Variants in TAS2R1 observed in about 807,000 individuals in gnomAD.
TAS2R1 encodes the protein taste receptor type 2 member 1.
For synonymous variants in TAS2R1, 141 were observed against 134.2 expected (o/e 1.05, Z -0.35); for missense variants, 370 against 353.4 (o/e 1.05, Z -0.38).
chr5:9,655,265 T>G (rs894232031), intron 2 of TAS2R1, among the ~76,000 whole-genome samples: 3 of 152,190 alleles, frequency 2.0e-5, no homozygotes, highest in African/African-American at 7.2e-5. Context: ...CCAAAACTTG[T>G]CAGTACAAAC....
the TAS2R1 span, among the ~76,000 whole-genome samples, chr5:9,729,387 T>C: frequency 6.6e-6 from 1 of 152,130 alleles, no homozygotes; most frequent in Non-Finnish European, 1.5e-5. Context: ...GCCTCCCCCA[T>C]TAGTCAGTAG....
chr5:9,697,757 T>C (rs1018459859), intron 1 of TAS2R1, among the ~76,000 whole-genome samples: 2 of 152,168 alleles, frequency 1.3e-5, no homozygotes, highest in African/African-American at 4.8e-5. Context: ...ATAGACATCA[T>C]TTTACAAATC....
At chr5:9,685,513 C>T (rs1014802872) in intron 1 of TAS2R1, among the ~76,000 whole-genome samples, 2 of 151,944 alleles carry the variant, frequency 1.3e-5, no homozygotes, top group African/African-American at 4.8e-5. Context: ...TAAAACTGGG[C>T]AAAATGTCTT....
chr5:9,666,462 G>A (rs1221089613), intron 1 of TAS2R1, among the ~76,000 whole-genome samples: 2 of 152,116 alleles, frequency 1.3e-5, no homozygotes, highest in Admixed American at 6.6e-5. Context: ...ATATCTGGGA[G>A]GAACAAGGGG....
the TAS2R1 span, among the ~76,000 whole-genome samples, chr5:9,890,246 T>C: frequency 3.3e-5 from 5 of 152,222 alleles, no homozygotes; most frequent in African/African-American, 4.8e-5. Context: ...AAAGGCCGCC[T>C]ACGTGATGGT....
chr5:9,890,201 G>T, the TAS2R1 span, among the ~76,000 whole-genome samples: 1 of 152,218 alleles, frequency 6.6e-6, no homozygotes, highest in South Asian at 2.1e-4. Flanking sequence ...GAAAAGGCAA[G>T]GTAAAAAGAA....
chr5:9,770,048 G>A, the TAS2R1 span, among the ~76,000 whole-genome samples: 1 of 151,890 alleles, frequency 6.6e-6, no homozygotes, highest in South Asian at 2.1e-4. Context: ...TCATAGTTTG[G>A]GTATTAAATT....
chr5:9,868,726 G>A, the TAS2R1 span, among the ~76,000 whole-genome samples: 1 of 152,094 alleles, frequency 6.6e-6, no homozygotes, highest in Non-Finnish European at 1.5e-5. Flanking sequence ...CTTTTCTATT[G>A]CATCATTAGG....
the TAS2R1 span, among the ~76,000 whole-genome samples, chr5:9,721,145 A>G: frequency 6.6e-6 from 1 of 152,230 alleles, no homozygotes; most frequent in Non-Finnish European, 1.5e-5. Flanking sequence ...GGAGCAAAGC[A>G]CATGCCAGCA....
chr5:9,652,517 A>G (rs1740327864), intron 2 of TAS2R1, among the ~76,000 whole-genome samples: 1 of 152,196 alleles, frequency 6.6e-6, no homozygotes, highest in Non-Finnish European at 1.5e-5. Flanking sequence ...AGGGGGAGCC[A>G]CAAGACGGAA....
the TAS2R1 span, among the ~76,000 whole-genome samples, chr5:9,812,323 T>G: frequency 3.1e-3 from 474 of 152,124 alleles, 3 homozygotes; most frequent in Middle Eastern, 6.8e-3. Context: ...TATGTATGTA[T>G]GTATGTATAT....
At position 9,682,965 on chromosome 5, in the gene TAS2R1, A is replaced by G. The variant is rs549288068; in HGVS notation, c.-241-23384T>C. ...TCCTTAACCTGTTCAGTAAGTATCA[A>G]CTCTAAGCAACCAACAGTGATCAGC... On this transcript the variant is annotated intron_variant, in intron 1 of 2. Transcript: ENST00000506620. Among the ~76,000 whole-genome samples, 104 of 152,294 alleles carry G rather than the reference A, an allele frequency of 6.8e-4. 1 individual carries two copies. Among genetic ancestry groups the G allele is most frequent in the Non-Finnish European group, 1.2e-3 (84 of 68,012 alleles).
At chr5:9,841,958 G>A in the TAS2R1 span, among the ~76,000 whole-genome samples, 1 of 152,200 alleles carries the variant, frequency 6.6e-6, no homozygotes, top group Non-Finnish European at 1.5e-5. Flanking sequence ...TCCATCATGT[G>A]CTCGCTGAGC....
At chr5:9,814,998 C>G in the TAS2R1 span, among the ~76,000 whole-genome samples, 1 of 152,154 alleles carries the variant, frequency 6.6e-6, no homozygotes, top group African/African-American at 2.4e-5. Context: ...CTTCACATGG[C>G]GTGTCGGAGA....
the TAS2R1 span, among the ~76,000 whole-genome samples, chr5:9,846,719 A>T: frequency 5.3e-5 from 8 of 152,262 alleles, no homozygotes; most frequent in East Asian, 1.9e-4. Context: ...ACAAACAAAA[A>T]TGAACTCTAC....
chr5:9,630,631 A>C (rs1400480880), upstream of TAS2R1, among the ~76,000 whole-genome samples: 1 of 152,222 alleles, frequency 6.6e-6, no homozygotes, highest in Non-Finnish European at 1.5e-5. Context: ...GTATAAAATC[A>C]AAGTAATTAG....
At chr5:9,789,456 G>A in the TAS2R1 span, among the ~76,000 whole-genome samples, 2 of 152,294 alleles carry the variant, frequency 1.3e-5, no homozygotes, top group East Asian at 3.9e-4. Flanking sequence ...AACGGGATAG[G>A]ATCTTCTCCA....
At chr5:9,716,249 C>T (rs1173738469), upstream of TAS2R1, among the ~76,000 whole-genome samples, 1 of 152,148 alleles carries the variant, frequency 6.6e-6, no homozygotes, top group Non-Finnish European at 1.5e-5. Flanking sequence ...AGCCTGGCCT[C>T]TCTTGTTCTG....
At chr5:9,751,230 T>C in the TAS2R1 span, among the ~76,000 whole-genome samples, 1 of 151,726 alleles carries the variant, frequency 6.6e-6, no homozygotes, top group East Asian at 1.9e-4. Context: ...TAATGGAAAA[T>C]ATTCACAGGT....
Sources: allele counts gnomAD v4.1 joint callset (sites outside exome capture counted in the v4.1 genomes callset), GRCh38; gene constraint gnomAD v4.1.1; transcripts MANE v1.5; gene names NCBI Gene and HGNC (gene_info 2026-07-23, HGNC 2026-07-21).